Variants in XKR9 observed in about 807,000 individuals in gnomAD.
The protein encoded by XKR9 is XK related 9, also known as XK-related protein 9.
Under a neutral mutation model 32.0 loss-of-function variants are expected in XKR9, and 32 were observed. That is an observed-to-expected ratio of 1.00 (90% confidence interval 0.76 to 1.34). The LOEUF (loss-of-function observed/expected upper bound fraction) is 1.34, where lower values mean the gene tolerates loss of function less well. XKR9 is among the 40% of genes most tolerant of loss of function. XKR9 has a pLI of 0.00. For synonymous variants in XKR9, 168 were observed against 143.4 expected, an observed-to-expected ratio of 1.17 and a Z score of -1.22; for missense variants, 546 against 429.7, an observed-to-expected ratio of 1.27 and a Z score of -2.39.
the XKR9 span, among the ~76,000 whole-genome samples, chr8:71,059,281 G>A: frequency 7.2e-5 from 11 of 152,174 alleles, no homozygotes; most frequent in Non-Finnish European, 1.3e-4. Flanking sequence ...GCCCTCAGGC[G>A]CCAAACCTGC....
At chr8:71,053,776 A>G in the XKR9 span, among the ~76,000 whole-genome samples, 4 of 152,188 alleles carry the variant, frequency 2.6e-5, no homozygotes, top group African/African-American at 4.8e-5. Flanking sequence ...TGAGCTGGTG[A>G]CTGCTTTGAT....
the XKR9 span, among the ~76,000 whole-genome samples, chr8:70,859,237 A>G: frequency 6.6e-6 from 1 of 152,168 alleles, no homozygotes; most frequent in Non-Finnish European, 1.5e-5. Context: ...ATGCCAACAG[A>G]TATATGAAAA....
chr8:70,686,526 C>T (rs1215170380), intron 3 of XKR9, among the ~76,000 whole-genome samples: 1 of 151,992 alleles, frequency 6.6e-6, no homozygotes, highest in Non-Finnish European at 1.5e-5. Flanking sequence ...TCACTGCAAC[C>T]TCCGCCTCCC....
Position 70,706,947 on chromosome 8 carries a change from TAAA to T in XKR9, c.290_292del (p.Lys97del). 6.2e-7 allele frequency: 1 copy of T among 1,612,096 alleles called. No individual in the cohort carries two copies. Among genetic ancestry groups the T allele is most frequent in the Non-Finnish European group, 8.5e-7 (1 of 1,178,784 alleles). ...TTACTTTATAGGTATTGGTTTGCCT[TAAA>T]AAGGGGTTACCATGCAGCTTTTAAA... On this transcript the variant is annotated inframe_deletion, in exon 4 of 5. Transcript: ENST00000408926.
the XKR9 span, among the ~76,000 whole-genome samples, chr8:70,849,985 C>CAA: frequency 5.5e-5 from 8 of 144,528 alleles, no homozygotes; most frequent in South Asian, 2.3e-4. Context: ...AATAGCCTGC[C>CAA]AAAAAAAAAA....
intron 2 of XKR9, among the ~76,000 whole-genome samples, chr8:70,749,799 C>A (rs1807112446): frequency 6.6e-6 from 1 of 152,216 alleles, no homozygotes; most frequent in Non-Finnish European, 1.5e-5. Flanking sequence ...AGACCAGCCA[C>A]CCTAGGGTAT....
chr8:70,734,000 T>G lies in XKR9; in HGVS notation c.698T>G (p.Phe233Cys). ...TTCTTAAATGTTAAGATTGCTTTAT[T>G]TCTGTTGTTATTTCTTTGGTTGTTA... ...LLFLNVKIAL[F>C]LLLFLWLLGI... The change falls in exon 5 of 5, where the codon TTT becomes TGT. Residue 233 changes from phenylalanine to cysteine, a missense_variant. Physicochemically the swap from Phe to Cys is radical, Grantham distance 205. Coordinates refer to ENST00000408926, the MANE Select transcript of XKR9 (RefSeq NM_001011720.2). 6.2e-7 allele frequency: 1 copy of G among 1,612,636 alleles called. No individual in the cohort carries two copies. The highest frequency in any genetic ancestry group is 1.1e-5 in the South Asian group (1 of 90,498).
chr8:70,757,553 ATGTATGTATG>A (rs1193210662), intron 2 of XKR9, among the ~76,000 whole-genome samples: 6 of 55,882 alleles, frequency 1.1e-4, no homozygotes, highest in Non-Finnish European at 3.7e-4. Context: ...TTCATCATGT[ATGTATGTATG>A]TATGTATGTA....
chr8:70,862,300 C>T, the XKR9 span, among the ~76,000 whole-genome samples: 3 of 152,132 alleles, frequency 2.0e-5, no homozygotes, highest in Non-Finnish European at 4.4e-5. Flanking sequence ...TAAAACCCCA[C>T]ATAGTCTCTT....
the XKR9 span, among the ~76,000 whole-genome samples, chr8:71,033,995 CAT>C: frequency 2.0e-5 from 3 of 152,188 alleles, no homozygotes; most frequent in African/African-American, 7.2e-5. Context: ...TGCCACTCCA[CAT>C]GTTAAGATCA....
At chr8:71,042,313 G>T in the XKR9 span, among the ~76,000 whole-genome samples, 3 of 152,106 alleles carry the variant, frequency 2.0e-5, no homozygotes, top group African/African-American at 7.2e-5. Context: ...AGGAACAGTT[G>T]CCAGGGCCTC....
intron 2 of XKR9, among the ~76,000 whole-genome samples, chr8:70,786,241 G>A (rs990929696): frequency 6.6e-6 from 1 of 152,110 alleles, no homozygotes; most frequent in African/African-American, 2.4e-5. Flanking sequence ...AACACAATGT[G>A]TATTCTGCTG....
At chr8:70,905,461 C>T in the XKR9 span, among the ~76,000 whole-genome samples, 1 of 152,278 alleles carries the variant, frequency 6.6e-6, no homozygotes, top group South Asian at 2.1e-4. Context: ...CCATGTTTTT[C>T]AGCTCCATCA....
chr8:71,046,005 A>G, the XKR9 span, among the ~76,000 whole-genome samples: 4 of 152,032 alleles, frequency 2.6e-5, no homozygotes, highest in Non-Finnish European at 5.9e-5. Context: ...CCTGAGGGAG[A>G]GAAGAGCATA....
At chr8:70,928,004 T>C in the XKR9 span, among the ~76,000 whole-genome samples, 1 of 152,176 alleles carries the variant, frequency 6.6e-6, no homozygotes, top group Non-Finnish European at 1.5e-5. Flanking sequence ...CTAATTTCTA[T>C]ATTTTGCTTT....
the XKR9 span, among the ~76,000 whole-genome samples, chr8:70,858,597 G>T: frequency 3.9e-5 from 6 of 152,034 alleles, no homozygotes; most frequent in African/African-American, 1.2e-4. Context: ...CACATTACCC[G>T]ACTTCAAAAT....
At chr8:70,855,364 A>G in the XKR9 span, among the ~76,000 whole-genome samples, 1 of 152,176 alleles carries the variant, frequency 6.6e-6, no homozygotes, top group African/African-American at 2.4e-5. Flanking sequence ...AATCAACTGG[A>G]AGAAAGGGTA....
chr8:70,829,809 T>C, the XKR9 span, among the ~76,000 whole-genome samples: 1 of 152,214 alleles, frequency 6.6e-6, no homozygotes, highest in African/African-American at 2.4e-5. Flanking sequence ...CGAAATTTCC[T>C]ATTTCACCTG....
the XKR9 span, among the ~76,000 whole-genome samples, chr8:70,859,764 A>G: frequency 6.6e-6 from 1 of 152,088 alleles, no homozygotes; most frequent in African/African-American, 2.4e-5. Flanking sequence ...CATATTCTTG[A>G]TCACATTTGG....
Sources: gnomAD v4.1 joint callset for allele counts (sites outside exome capture counted in the v4.1 genomes callset) on GRCh38, gnomAD v4.1.1 for gene constraint, MANE v1.5 for transcripts, NCBI Gene and HGNC (gene_info 2026-07-23, HGNC 2026-07-21) for gene names.